The following KIAA0232 variants were observed in gnomAD, a reference collection of about 807,000 sequenced individuals.
The protein encoded by KIAA0232 is uncharacterized protein KIAA0232.
In KIAA0232, 27 loss-of-function variants were observed where a neutral mutation model predicts 122.0. That is an observed-to-expected ratio of 0.22 (90% CI 0.16 to 0.31). The LOEUF (loss-of-function observed/expected upper bound fraction) is 0.31, where lower values mean the gene tolerates loss of function less well. Ranked by LOEUF, KIAA0232 falls within the 10% of genes least tolerant of loss-of-function variation. The pLI, the probability that KIAA0232 is intolerant of heterozygous loss-of-function variation, is 1.00. For missense variants in KIAA0232, 1,551 were observed against 1,634.2 expected, an observed-to-expected ratio of 0.95 and a Z score of 0.88; for synonymous variants, 613 against 587.6, an observed-to-expected ratio of 1.04 and a Z score of -0.63.
chr4:6,796,594 A>G (rs1717145768), intron 1 of KIAA0232, among the ~76,000 whole-genome samples: 1 of 152,218 alleles, frequency 6.6e-6, no homozygotes, highest in Non-Finnish European at 1.5e-5. Flanking sequence ...GAAAGCTCTA[A>G]CATAGCCTAT....
intron 3 of KIAA0232, among the ~76,000 whole-genome samples, chr4:6,839,757 A>T (rs977257710): frequency 2.0e-5 from 3 of 152,166 alleles, no homozygotes; most frequent in African/African-American, 7.2e-5. Flanking sequence ...TATGTCCTAG[A>T]GACAAAAGAC....
intron 9 of KIAA0232, among the ~76,000 whole-genome samples, chr4:6,880,444 G>A (rs1461056690): frequency 2.6e-5 from 4 of 151,538 alleles, no homozygotes; most frequent in Admixed American, 1.3e-4. Flanking sequence ...TCTCCCCAGC[G>A]AGCCTGGCAT....
intron 3 of KIAA0232, 72 bp downstream of exon 3, chr4:6,824,756 CT>C: frequency 7.9e-7 from 1 of 1,266,916 alleles, no homozygotes; most frequent in Non-Finnish European, 1.1e-6. Context: ...TAAACAAGCA[CT>C]TTTATACTTT....
At chr4:6,802,306 C>A (rs551438254) in intron 1 of KIAA0232, among the ~76,000 whole-genome samples, 3 of 152,164 alleles carry the variant, frequency 2.0e-5, no homozygotes, top group Admixed American at 2.0e-4. Flanking sequence ...GGCAAGATGT[C>A]GGGTGAGGCA....
In KIAA0232 at chr4:6,824,340, C is replaced by G. The variant is rs1407287427; in HGVS notation, c.-114C>G. 25 of 871,578 alleles carry G rather than the reference C, an allele frequency of 2.9e-5. No individual in the cohort carries two copies. The highest frequency in any genetic ancestry group is 4.8e-5 in the Non-Finnish European group (25 of 520,522). The allele number at this position is 871,578 out of a possible 1,614,324, so 54.0% of individuals were successfully genotyped here. ...ACTACCAGCAAAAATAAATGCTTAT[C>G]CTACATGTCAAGCATCTCTACTTTT... On this transcript the variant is annotated 5_prime_UTR_variant, in exon 3 of 10. It adds an upstream start codon to the 5' untranslated region. Coordinates refer to ENST00000307659, the MANE Select transcript of KIAA0232 (RefSeq NM_014743.3).
At position 6,861,992 on chromosome 4, in the gene KIAA0232, T is replaced by C; in HGVS notation, c.1610T>C (p.Ile537Thr). 6.2e-7 allele frequency: 1 copy of C among 1,614,158 alleles called. No homozygotes were observed. Among genetic ancestry groups the C allele is most frequent in the Non-Finnish European group, 8.5e-7 (1 of 1,180,024 alleles). ...MQGESRILNM[I>T]RQKSKENTDF... ...GGAGAAAGTCGGATTTTGAATATGA[T>C]TCGACAGAAAAGCAAAGAGAACACA... is the stretch of plus-strand genomic sequence containing the variant. The change falls in exon 7 of 10, where the codon ATT becomes ACT. Residue 537 changes from isoleucine (I) to threonine (T), a missense_variant. Around this residue, in one of 5 missense-constraint regions of KIAA0232, gnomAD observed 1,108 missense variants for 1,154.8 expected, o/e 0.96. Transcript: ENST00000307659.
At chr4:6,836,085 A>G (rs1232247970) in intron 3 of KIAA0232, among the ~76,000 whole-genome samples, 1 of 152,256 alleles carries the variant, frequency 6.6e-6, no homozygotes, top group African/African-American at 2.4e-5. Context: ...AGTCCCACCA[A>G]TAGTGTAGAA....
chr4:6,831,805 G>A (rs1013866536), intron 3 of KIAA0232, among the ~76,000 whole-genome samples: 2 of 152,168 alleles, frequency 1.3e-5, no homozygotes, highest in Non-Finnish European at 2.9e-5. Context: ...TGTATCTCAG[G>A]TGTTCTCCCT....
At chr4:6,804,417 C>T (rs1717522234) in intron 1 of KIAA0232, 106 bp from the exon 2 acceptor site, 1 of 152,088 alleles carries the variant, frequency 6.6e-6, no homozygotes, top group African/African-American at 2.4e-5. Flanking sequence ...GTCTTTTGGT[C>T]CATTAAAAAC....
At chr4:6,826,159 T>C (rs1234378670) in intron 3 of KIAA0232, among the ~76,000 whole-genome samples, 1 of 152,224 alleles carries the variant, frequency 6.6e-6, no homozygotes, top group Non-Finnish European at 1.5e-5. Context: ...GCATGTTTGA[T>C]GAGAGGGGTT....
Position 6,880,801 on chromosome 4 carries a change from T to C in KIAA0232, c.4023T>C (p.Tyr1341=), listed in dbSNP as rs763923534. The change falls in exon 10 of 10, where the codon TAT becomes TAC. Residue 1341 remains tyrosine, a synonymous_variant. Transcript: ENST00000307659. The part of the protein sequence containing the change: ...LLDFNRVSSV[Y]EARCTGERDS... ...TTTAATCTTAGGTGTCTTCTGTTTA[T>C]GAAGCAAGATGTACAGGAGAGAGAG... The C allele has an allele frequency of 6.5e-7, 1 of 1,548,078 alleles. No homozygotes were observed. The highest frequency in any genetic ancestry group is 1.2e-5 in the South Asian group (1 of 80,502).
chr4:6,788,075 G>A (rs1340451726), intron 1 of KIAA0232, among the ~76,000 whole-genome samples: 1 of 152,170 alleles, frequency 6.6e-6, no homozygotes, highest in African/African-American at 2.4e-5. Flanking sequence ...GTCTTACTCT[G>A]TCACTCATGC....
At chr4:6,837,514 C>T (rs1354398799) in intron 3 of KIAA0232, among the ~76,000 whole-genome samples, 2 of 152,180 alleles carry the variant, frequency 1.3e-5, no homozygotes, top group South Asian at 2.1e-4. Flanking sequence ...GACGGGGTGG[C>T]GGCCAGGCAG....
chr4:6,837,839 G>T (rs1719407538), intron 3 of KIAA0232, among the ~76,000 whole-genome samples: 1 of 152,126 alleles, frequency 6.6e-6, no homozygotes. Context: ...AGGCAGGGAG[G>T]TTGCAGTGAG....
chr4:6,870,540 C>T (rs1351745733), intron 7 of KIAA0232, among the ~76,000 whole-genome samples: 10 of 152,306 alleles, frequency 6.6e-5, no homozygotes, highest in Admixed American at 2.0e-4. Flanking sequence ...TGGTGGCTCA[C>T]GCCTGTAATC....
At chr4:6,793,506 T>G (rs1459302677) in intron 1 of KIAA0232, among the ~76,000 whole-genome samples, 1 of 152,232 alleles carries the variant, frequency 6.6e-6, no homozygotes, top group Non-Finnish European at 1.5e-5. Context: ...GATAGCTATC[T>G]CTGAGATTTC....
chr4:6,804,332 A>G (rs1321852163), intron 1 of KIAA0232, among the ~76,000 whole-genome samples, 191 bp from the exon 2 acceptor site: 1 of 152,108 alleles, frequency 6.6e-6, no homozygotes, highest in African/African-American at 2.4e-5. Flanking sequence ...TGCCATCCTC[A>G]GTTTAGAGCC....
intron 3 of KIAA0232, among the ~76,000 whole-genome samples, chr4:6,832,388 G>T (rs1719037206): frequency 1.4e-5 from 2 of 140,932 alleles, no homozygotes; most frequent in Non-Finnish European, 1.5e-5. Context: ...TTGCTGTGTT[G>T]CCTAGGCTGG....
chr4:6,839,160 T>C (rs79894436), intron 3 of KIAA0232, among the ~76,000 whole-genome samples: 1,640 of 152,310 alleles, frequency 0.011, 28 homozygotes, highest in African/African-American at 0.036. Context: ...GATTCTTCCT[T>C]TCAAGCTTCT....
Sources: gnomAD v4.1 joint callset for allele counts (sites outside exome capture counted in the v4.1 genomes callset) on GRCh38, gnomAD v4.1.1 for gene constraint, gnomAD v4.1.1 regional missense constraint, MANE v1.5 for transcripts, NCBI Gene and HGNC (gene_info 2026-07-23, HGNC 2026-07-21) for gene names.